The following GALNT14 variants were observed in gnomAD, a reference collection of about 807,000 sequenced individuals.
GALNT14 encodes polypeptide N-acetylgalactosaminyltransferase 14.
Under a neutral mutation model 77.5 loss-of-function variants are expected in GALNT14, and 60 were observed. The observed-to-expected ratio is 0.77, with a 90% CI of 0.63 to 0.96. The LOEUF (loss-of-function observed/expected upper bound fraction) is 0.96. Among genes scored for constraint, GALNT14 ranks in the 40% least tolerant of loss-of-function variants. The probability of loss-of-function intolerance (pLI) is 0.00; values close to 1 mark genes in which losing one functional copy is unlikely to be tolerated. For synonymous variants in GALNT14, 280 were observed against 281.7 expected, an observed-to-expected ratio of 0.99 and a Z score of 0.06; for missense variants, 710 against 731.0, an observed-to-expected ratio of 0.97 and a Z score of 0.33.
intron 1 of GALNT14, among the ~76,000 whole-genome samples, chr2:31,076,630 T>TATATATATATATATATA (rs1553373510): frequency 1.5e-4 from 13 of 87,242 alleles, no homozygotes; most frequent in South Asian, 3.4e-4. Context: ...TATATATATA[T>TATATATATATATATATA]TTTTTTTTTT....
chr2:30,992,828 G>A lies in GALNT14; in HGVS notation c.299+10C>T. Reference sequence around the variant, plus strand: ...TGCGGGGGTAACAGAGTGGGAGAAGGAGGAAGTACCTCAGATGGCGAGTGT... The same window carrying A: ...TGCGGGGGTAACAGAGTGGGAGAAGAAGGAAGTACCTCAGATGGCGAGTGT... On this transcript the variant is annotated intron_variant, in intron 2 of 14. Transcript: ENST00000349752. 6.2e-7 allele frequency: 1 copy of A among 1,612,086 alleles called. No homozygotes were observed. Among genetic ancestry groups the A allele is most frequent in the Non-Finnish European group, 8.5e-7 (1 of 1,178,312 alleles).
Position 31,041,575 on chromosome 2 carries a change from G to C in GALNT14, c.130-48568C>G, listed in dbSNP as rs75060416. ...ATGTACGAATGAGTAGTGATGATGAGGTCAGAGAGGTACATGCATTGGTCG... is the reference window on the plus strand; with the variant it reads ...ATGTACGAATGAGTAGTGATGATGACGTCAGAGAGGTACATGCATTGGTCG... On this transcript the variant is annotated intron_variant, in intron 1 of 14. Coordinates refer to ENST00000349752, the MANE Select transcript of GALNT14 (RefSeq NM_024572.4). 2.9e-3 allele frequency among the ~76,000 whole-genome samples: 445 copies of C among 152,204 alleles called. 2 individuals are homozygous for C. Among genetic ancestry groups the C allele is most frequent in the African/African-American group, 0.01 (418 of 41,514 alleles).
chr2:31,135,265 T>C (rs1399310186), intron 1 of GALNT14, among the ~76,000 whole-genome samples: 1 of 152,190 alleles, frequency 6.6e-6, no homozygotes, highest in African/African-American at 2.4e-5. Flanking sequence ...ATAATCTCTG[T>C]AGTAAGCCCA....
At position 30,958,424 on chromosome 2, in the gene GALNT14, T is replaced by G. The variant is rs766149413; in HGVS notation, c.439A>C (p.Ile147Leu). The change falls in exon 4 of 15, where the codon ATA becomes CTA. Residue 147 changes from isoleucine to leucine, a missense_variant. Ile to Leu is a conservative substitution (Grantham distance 5). Transcript: ENST00000349752. ...RTPTHLIREI[I>L]LVDDFSNDPD... The stretch of plus-strand genomic sequence containing the variant: ...TCATTGCTGAAGTCATCCACTAATA[T>G]GATTTCCCGGATCAGATGCGTAGGG... The G allele has an allele frequency of 1.9e-6, 3 of 1,614,058 alleles. No homozygotes were observed. The highest frequency in any genetic ancestry group is 2.5e-6 in the Non-Finnish European group (3 of 1,179,976).
intron 3 of GALNT14, among the ~76,000 whole-genome samples, chr2:30,959,541 C>T (rs143290219): frequency 6.6e-6 from 1 of 152,280 alleles, no homozygotes. Flanking sequence ...CTGCTCTGTG[C>T]AGCAAAGAAT....
At chr2:31,053,552 C>T (rs949140527) in intron 1 of GALNT14, among the ~76,000 whole-genome samples, 7 of 152,060 alleles carry the variant, frequency 4.6e-5, no homozygotes, top group Admixed American at 6.6e-5. Context: ...AAAATAAGGC[C>T]GACAAAAATG....
chr2:31,017,020 G>A (rs1444548312), intron 1 of GALNT14, among the ~76,000 whole-genome samples: 3 of 152,204 alleles, frequency 2.0e-5, no homozygotes, highest in Admixed American at 2.0e-4. Flanking sequence ...GGCAAATAAT[G>A]TGATGATCAC....
Position 31,124,859 on chromosome 2 carries a change from G to T in GALNT14, c.129+13099C>A, listed in dbSNP as rs1021361800. Among the ~76,000 whole-genome samples, 3 of 152,278 alleles carry T rather than the reference G, an allele frequency of 2.0e-5. No individual in the cohort carries two copies. In the East Asian group the frequency reaches 5.8e-4, roughly 29 times the overall value. ...AAGCACCCAGCATTTCTCCTAAAAG[G>T]CACTCACATTCACCTCTCCCCTGGA... On this transcript the variant is annotated intron_variant, in intron 1 of 14. Transcript: ENST00000349752.
At chr2:31,037,165 T>G (rs777297845) in intron 1 of GALNT14, among the ~76,000 whole-genome samples, 6 of 152,224 alleles carry the variant, frequency 3.9e-5, no homozygotes. Flanking sequence ...TCCATTTATA[T>G]TCATTCTTTT....
intron 2 of GALNT14, among the ~76,000 whole-genome samples, chr2:30,982,536 T>C (rs1048430877): frequency 6.6e-6 from 1 of 152,182 alleles, no homozygotes; most frequent in Non-Finnish European, 1.5e-5. Context: ...TGCACAGAAC[T>C]TTGAGGGAAG....
chr2:30,989,117 C>A (rs752078512), intron 2 of GALNT14, among the ~76,000 whole-genome samples: 4 of 152,118 alleles, frequency 2.6e-5, no homozygotes, highest in Non-Finnish European at 5.9e-5. Context: ...GGCTGGGGAG[C>A]TTAGAAAAGA....
chr2:30,907,121 T>C (rs1418067587), downstream of GALNT14, among the ~76,000 whole-genome samples: 1 of 152,048 alleles, frequency 6.6e-6, no homozygotes, highest in Non-Finnish European at 1.5e-5. Flanking sequence ...AGATCCAAAA[T>C]TGACACCCTA....
At chr2:30,945,703 C>T (rs1020527900) in intron 7 of GALNT14, 80 bp downstream of exon 7, 10 of 1,159,962 alleles carry the variant, frequency 8.6e-6, no homozygotes, top group African/African-American at 1.5e-5. Context: ...AAGAGCTTTT[C>T]CTTCACTCTC....
intron 1 of GALNT14, among the ~76,000 whole-genome samples, chr2:31,095,828 C>T (rs1676973325): frequency 6.6e-6 from 1 of 152,064 alleles, no homozygotes; most frequent in Admixed American, 6.6e-5. Context: ...AGAAATGGTA[C>T]CTATATTAGT....
At chr2:31,131,031 C>G (rs1026169106) in intron 1 of GALNT14, among the ~76,000 whole-genome samples, 2 of 152,156 alleles carry the variant, frequency 1.3e-5, no homozygotes, top group Non-Finnish European at 2.9e-5. Flanking sequence ...ACTCAGACTG[C>G]TGGTAAGCAA....
intron 1 of GALNT14, among the ~76,000 whole-genome samples, chr2:31,117,078 T>G (rs1029534540): frequency 2.0e-5 from 3 of 152,116 alleles, no homozygotes; most frequent in Admixed American, 6.6e-5. Context: ...AGGGGCTTTC[T>G]TTCATATGTC....
chr2:31,027,819 T>A (rs1469934670), intron 1 of GALNT14, among the ~76,000 whole-genome samples: 1 of 152,016 alleles, frequency 6.6e-6, no homozygotes, highest in African/African-American at 2.4e-5. Flanking sequence ...AGTTTTTGCC[T>A]CTGGAAAGCT....
intron 2 of GALNT14, among the ~76,000 whole-genome samples, chr2:30,970,493 G>A (rs962723604): frequency 2.0e-5 from 3 of 152,110 alleles, no homozygotes; most frequent in East Asian, 1.9e-4. Flanking sequence ...CTATCATCAC[G>A]CCCAGAGAGT....
At chr2:31,072,461 CT>C (rs1675474103) in intron 1 of GALNT14, among the ~76,000 whole-genome samples, 1 of 151,888 alleles carries the variant, frequency 6.6e-6, no homozygotes, top group Non-Finnish European at 1.5e-5. Flanking sequence ...CATCCTCTTT[CT>C]GCCCTATATC....
Sources: gnomAD v4.1 joint callset for allele counts (sites outside exome capture counted in the v4.1 genomes callset) on GRCh38, gnomAD v4.1.1 for gene constraint, MANE v1.5 for transcripts, NCBI Gene and HGNC (gene_info 2026-07-23, HGNC 2026-07-21) for gene names.